Variants in ERBB2 observed in about 807,000 individuals in gnomAD.
ERBB2 encodes erb-b2 receptor tyrosine kinase 2, also known as receptor tyrosine-protein kinase erbB-2.
A neutral mutation model predicts 149.0 loss-of-function variants in ERBB2; 61 were observed. The ratio of observed to expected loss-of-function variants is 0.41; its 90% CI spans 0.33 to 0.51. The LOEUF (loss-of-function observed/expected upper bound fraction) is 0.51. ERBB2 is among the 20% of genes least tolerant of loss of function. ERBB2 has a pLI of 0.25. For missense variants in ERBB2, 1,205 were observed against 1,655.1 expected, an observed-to-expected ratio of 0.73 and a Z score of 4.72; for synonymous variants, 633 against 678.8, an observed-to-expected ratio of 0.93 and a Z score of 1.05.
rs1326299510 is a variant in ERBB2, at chr17:39,711,974, C to T, written c.948C>T (p.Pro316=). 3 of 1,614,186 alleles carry T rather than the reference C, an allele frequency of 1.9e-6. No homozygotes were observed. Among genetic ancestry groups the T allele is most frequent in the African/African-American group, 2.7e-5 (2 of 75,048 alleles). ...TDVGSCTLVC[P]LHNQEVTAED... ...TGGGATCCTGCACCCTCGTCTGCCC[C>T]CTGCACAACCAAGAGGTGACAGCAG... Residue 316 remains proline, a synonymous_variant, in exon 8 of 27, where the codon CCC becomes CCT. Transcript: ENST00000269571.
At chr17:39,715,655 AGT>A in intron 11 of ERBB2, 83 bp from the exon 12 acceptor site, 1 of 1,564,102 alleles carries the variant, frequency 6.4e-7, no homozygotes, top group Non-Finnish European at 8.8e-7. Context: ...AAGTCTGCAG[AGT>A]GTGCTGGGGA....
At chr17:39,689,127 G>A (rs1052083384) in intron 2 of ERBB2, among the ~76,000 whole-genome samples, 1 of 152,136 alleles carries the variant, frequency 6.6e-6, no homozygotes, top group African/African-American at 2.4e-5. Context: ...GGGTTGGAAT[G>A]AGTAAGAAGT....
In ERBB2 at chr17:39,708,452, T is replaced by C. The variant is rs747047846; in HGVS notation, c.357T>C (p.Asn119=). 3.1e-6 allele frequency: 5 copies of C among 1,614,160 alleles called. No homozygotes were observed. Among genetic ancestry groups the C allele is most frequent in the Non-Finnish European group, 4.2e-6 (5 of 1,180,012 alleles). ...ACTATGCCCTGGCCGTGCTAGACAATGGAGACCCGCTGAACAATACCACCC... is the reference window on the plus strand; with the variant it reads ...ACTATGCCCTGGCCGTGCTAGACAACGGAGACCCGCTGAACAATACCACCC... ...EDNYALAVLD[N]GDPLNNTTPV... is the part of the protein sequence containing the mutation. Residue 119 remains asparagine (N), a synonymous_variant, in exon 3 of 27, where the codon AAT becomes AAC. Transcript: ENST00000269571.
At chr17:39,707,859 A>G (rs1391840916) in intron 2 of ERBB2, 1 of 156,516 alleles carries the variant, frequency 6.4e-6, no homozygotes, top group Non-Finnish European at 1.4e-5. Context: ...TTAGCCAGGC[A>G]TGGTGGCACA....
In ERBB2 at chr17:39,725,541, G is replaced by T. The variant is rs544151584; in HGVS notation, c.2725+139G>T. Reference sequence around the variant, plus strand: ...GGCTGCCTGTGCCCCACCTTGCAGGGTCTGTGCACTTCCCAGGATTAGGGA... The same window carrying T: ...GGCTGCCTGTGCCCCACCTTGCAGGTTCTGTGCACTTCCCAGGATTAGGGA... On this transcript the variant is annotated intron_variant, in intron 22 of 26. Transcript: ENST00000269571. The surrounding 1 kb of genome is among the most constrained non-coding windows in gnomAD (Gnocchi z 4.6). 1.4e-3 allele frequency: 1,687 copies of T among 1,200,406 alleles called. No homozygotes were observed. Among genetic ancestry groups the T allele is most frequent in the Non-Finnish European group, 1.7e-3 (1,464 of 839,106 alleles). The allele number at this position is 1,200,406 out of a possible 1,614,324, so 74.4% of individuals were successfully genotyped here.
upstream of ERBB2, among the ~76,000 whole-genome samples, chr17:39,698,685 G>C (rs1378591712): frequency 6.6e-6 from 1 of 152,208 alleles, no homozygotes; most frequent in Non-Finnish European, 1.5e-5. Context: ...ATGGAAGCAA[G>C]TTTAGAAATG....
At position 39,717,313 on chromosome 17, in the gene ERBB2, C is replaced by G. The variant is rs369625870; in HGVS notation, c.1738-7C>G. 2 of 1,595,034 alleles carry G rather than the reference C, an allele frequency of 1.3e-6. No individual in the cohort carries two copies. The highest frequency in any genetic ancestry group is 1.1e-5 in the South Asian group (1 of 89,782). On this transcript the variant is annotated splice_polypyrimidine_tract_variant and splice_region_variant and intron_variant, in intron 14 of 26. Transcript: ENST00000269571. ...AGCCCCCCACAAATCTTTTCTGCCC[C>G]CCCCAGGAGGCTGACCAGTGTGTGG...
At chr17:39,695,793 AT>A (rs1467862557), upstream of ERBB2, among the ~76,000 whole-genome samples, 1 of 147,200 alleles carries the variant, frequency 6.8e-6, no homozygotes, top group Admixed American at 6.8e-5. Flanking sequence ...TGGCTGGTCA[AT>A]GATTGACTGG....
At chr17:39,718,213 C>T (rs1303468223) in intron 15 of ERBB2, among the ~76,000 whole-genome samples, 1 of 152,226 alleles carries the variant, frequency 6.6e-6, no homozygotes, top group African/African-American at 2.4e-5. Context: ...CATGTTCTAA[C>T]ATGGTGATCT....
Position 39,710,262 on chromosome 17 carries a change from C to T in ERBB2, c.759+61C>T, listed in dbSNP as rs2058719184. 16 of 1,607,532 alleles carry T rather than the reference C, an allele frequency of 1.0e-5. No homozygotes were observed. The South Asian group carries it at 1.5e-4, about 15-fold the overall frequency. On this transcript the variant is annotated intron_variant, in intron 6 of 26. Coordinates refer to ENST00000269571, the MANE Select transcript of ERBB2 (RefSeq NM_004448.4). ...CCCCCAGGATGCAAGGGGTGGGCACCCTGCCTGGTACTGCCCTATTGCCCC... is the reference window on the plus strand; with the variant it reads ...CCCCCAGGATGCAAGGGGTGGGCACTCTGCCTGGTACTGCCCTATTGCCCC...
At position 39,726,298 on chromosome 17, in the gene ERBB2, A is replaced by G. The variant is rs1048936425; in HGVS notation, c.2873-264A>G. The G allele has an allele frequency of 3.2e-5, 16 of 507,238 alleles. No homozygotes were observed. The highest frequency in any genetic ancestry group is 5.0e-5 in the Non-Finnish European group (14 of 281,478). 31.4% of individuals were successfully genotyped at this position (507,238 alleles called of 1,614,324 possible). A position where few individuals can be genotyped will look rare whatever the true frequency, so the allele number is the denominator to read the frequency against. On this transcript the variant is annotated intron_variant, in intron 23 of 26. Transcript: ENST00000269571. This position sits in a 1 kb window ranked among gnomAD's most constrained non-coding sequence, Gnocchi z 5.1. ...CAGTAAGCTATGATTGCACCACTGA[A>G]ATCCAGCCTGGGTGACAGAGCGAAA...
intron 16 of ERBB2, among the ~76,000 whole-genome samples, chr17:39,721,771 C>T (rs578046124): frequency 2.8e-4 from 43 of 152,286 alleles, no homozygotes; most frequent in Admixed American, 2.6e-4. Context: ...AAATTGTATG[C>T]ATACAGACTG....
At chr17:39,716,917 C>T in intron 14 of ERBB2, 2 of 478,318 alleles carry the variant, frequency 4.2e-6, no homozygotes, top group Non-Finnish European at 7.6e-6. Context: ...TGCTTCCAAC[C>T]TTGGTTTTTT....
upstream of ERBB2, among the ~76,000 whole-genome samples, chr17:39,691,900 GATAT>G (rs549310133): frequency 9.0e-6 from 1 of 110,782 alleles, no homozygotes; most frequent in African/African-American, 3.6e-5. Flanking sequence ...TATAGATATA[GATAT>G]ATATACATAT....
Position 39,715,356 on chromosome 17 carries a change from A to G in ERBB2, c.1219A>G (p.Thr407Ala), listed in dbSNP as rs2145633186. Residue 407 changes from threonine to alanine, a missense_variant, in exon 10 of 27, where the codon ACA becomes GCA. Thr to Ala is a moderately conservative substitution (Grantham distance 58). Transcript: ENST00000269571. ...AGTGTTTGAGACTCTGGAAGAGATCACAGGTGGGCTCTGTCTCTGCATCCT... is the reference window on the plus strand; with the variant it reads ...AGTGTTTGAGACTCTGGAAGAGATCGCAGGTGGGCTCTGTCTCTGCATCCT... ...LQVFETLEEITGYLYISAWPD... is the reference protein window; with the variant it reads ...LQVFETLEEIAGYLYISAWPD... The G allele has an allele frequency of 6.2e-7, 1 of 1,614,054 alleles. No individual in the cohort carries two copies. The highest frequency in any genetic ancestry group is 1.1e-5 in the South Asian group (1 of 91,086).
At position 39,727,521 on chromosome 17, in the gene ERBB2, C is replaced by T. The variant is rs2143258145; in HGVS notation, c.3386C>T (p.Ala1129Val). Residue 1129 changes from alanine to valine, a missense_variant, in exon 26 of 27, where the codon GCC (alanine) becomes GTC (valine). By Grantham distance (64) the Ala-to-Val change is moderately conservative. This residue lies in a region of ERBB2 where 312 missense variants were observed against 343.8 expected (regional missense o/e 0.91). Transcript: ENST00000269571. This position sits in a 1 kb window ranked among gnomAD's most constrained non-coding sequence, Gnocchi z 4.3. ...PLPSETDGYV[A>V]PLTCSPQPEY... Reference sequence around the variant, plus strand: ...CCCTCTGAGACTGATGGCTACGTTGCCCCCCTGACCTGCAGCCCCCAGCCT... The same window carrying T: ...CCCTCTGAGACTGATGGCTACGTTGTCCCCCTGACCTGCAGCCCCCAGCCT... 6.2e-7 allele frequency: 1 copy of T among 1,603,990 alleles called. No homozygotes were observed. Among genetic ancestry groups the T allele is most frequent in the Non-Finnish European group, 8.5e-7 (1 of 1,177,228 alleles).
chr17:39,700,356 C>G (rs2058018031), intron 1 of ERBB2, 45 bp downstream of exon 1: 7 of 1,270,894 alleles, frequency 5.5e-6, no homozygotes, highest in Middle Eastern at 6.0e-4. Context: ...CGGGACCCTG[C>G]CCTGTGGATG....
At chr17:39,697,828 G>C (rs1163564507), upstream of ERBB2, among the ~76,000 whole-genome samples, 1 of 152,046 alleles carries the variant, frequency 6.6e-6, no homozygotes, top group African/African-American at 2.4e-5. Context: ...CGAGTAGCTG[G>C]GATTACAGGT....
intron 9 of ERBB2, among the ~76,000 whole-genome samples, chr17:39,714,123 G>A (rs1046795949): frequency 1.8e-4 from 27 of 152,090 alleles, no homozygotes; most frequent in African/African-American, 6.5e-4. Flanking sequence ...TTTCCAGAGG[G>A]GGCCATGGTT....
Sources: allele counts gnomAD v4.1 joint callset (sites outside exome capture counted in the v4.1 genomes callset), GRCh38; gene constraint gnomAD v4.1.1; regional missense constraint gnomAD v4.1.1; non-coding constraint Gnocchi (gnomAD v3.1); transcripts MANE v1.5; gene names NCBI Gene and HGNC (gene_info 2026-07-23, HGNC 2026-07-21).